The following TMEM273 variants were observed in gnomAD, a reference collection of about 807,000 sequenced individuals.
TMEM273 encodes the protein transmembrane protein 273.
A neutral mutation model predicts 17.9 loss-of-function variants in TMEM273; 19 were observed. The observed-to-expected ratio is 1.06, with a 90% confidence interval of 0.74 to 1.55. TMEM273 has a LOEUF of 1.55. Ranked by LOEUF, TMEM273 falls within the 40% of genes most tolerant of loss-of-function variation. The pLI, the probability that TMEM273 is intolerant of heterozygous loss-of-function variation, is 0.00. For synonymous variants in TMEM273, 66 were observed against 62.0 expected (o/e 1.07, Z -0.31); for missense variants, 194 against 155.6 (o/e 1.25, Z -1.31).
intron 3 of TMEM273, among the ~76,000 whole-genome samples, chr10:49,166,029 G>A (rs555906689): frequency 2.6e-4 from 40 of 152,250 alleles, no homozygotes; most frequent in East Asian, 3.9e-4. Context: ...TAAGCCCCTC[G>A]GGCGATGCAC....
At chr10:49,175,430 G>T (rs1846890333) in intron 1 of TMEM273, among the ~76,000 whole-genome samples, 1 of 152,214 alleles carries the variant, frequency 6.6e-6, no homozygotes, top group Non-Finnish European at 1.5e-5. Flanking sequence ...GCCACCCCAG[G>T]CTGAGATGCA....
intron 5 of TMEM273, among the ~76,000 whole-genome samples, chr10:49,164,177 T>A (rs917926198): frequency 1.3e-5 from 2 of 152,100 alleles, no homozygotes; most frequent in Non-Finnish European, 2.9e-5. Flanking sequence ...AAAAATATCA[T>A]CTCACCCAGC....
At chr10:49,186,624 A>G (rs530319648) in intron 1 of TMEM273, among the ~76,000 whole-genome samples, 45 of 152,334 alleles carry the variant, frequency 3.0e-4, no homozygotes, top group African/African-American at 9.9e-4. Context: ...GGTGTCCCCA[A>G]CTTACAGATG....
At chr10:49,162,646 C>T (rs886581165) in intron 5 of TMEM273, among the ~76,000 whole-genome samples, 4 of 152,152 alleles carry the variant, frequency 2.6e-5, no homozygotes, top group African/African-American at 9.7e-5. Context: ...TATTCCTGAC[C>T]ACAGGGGCTG....
At chr10:49,188,210 T>A in intron 1 of TMEM273, 84 bp downstream of exon 1, 1 of 1,453,870 alleles carries the variant, frequency 6.9e-7, no homozygotes, top group Non-Finnish European at 9.6e-7. Flanking sequence ...GTTTTAGGGA[T>A]CAAGCCCCAG....
In TMEM273 at chr10:49,155,896, T is replaced by A. The variant is rs375388588; in HGVS notation, c.386A>T (p.Asp129Val). Residue 129 changes from aspartate (D) to valine (V), a missense_variant, in exon 7 of 7, where the codon GAT becomes GTT. Transcript: ENST00000374153. ...ACGTCACTGCTCACCTACAGCTCAA[T>A]CACCTGTGCATCTCTGGAAAGGAAG... ...PQFLQKRCTG[D>V] The A allele has an allele frequency of 1.2e-6, 2 of 1,614,060 alleles. No homozygotes were observed. Among genetic ancestry groups the A allele is most frequent in the African/African-American group, 2.7e-5 (2 of 74,918 alleles).
At chr10:49,180,263 C>T (rs1847261545) in intron 1 of TMEM273, among the ~76,000 whole-genome samples, 1 of 152,188 alleles carries the variant, frequency 6.6e-6, no homozygotes, top group African/African-American at 2.4e-5. Context: ...TGGGTACTCC[C>T]AGCAGGGTGC....
intron 1 of TMEM273, among the ~76,000 whole-genome samples, chr10:49,171,994 C>T (rs1846605067): frequency 6.6e-6 from 1 of 152,176 alleles, no homozygotes; most frequent in South Asian, 2.1e-4. Context: ...CGTGCGTGCA[C>T]TCAGATGTCG....
intron 1 of TMEM273, among the ~76,000 whole-genome samples, chr10:49,169,973 C>T (rs1310397791): frequency 2.6e-5 from 4 of 152,244 alleles, no homozygotes; most frequent in African/African-American, 7.2e-5. Context: ...GGCCAGACCC[C>T]TGAGCCCCAG....
At chr10:49,176,025 A>C (rs1044335625) in intron 1 of TMEM273, among the ~76,000 whole-genome samples, 4 of 152,158 alleles carry the variant, frequency 2.6e-5, no homozygotes, top group Non-Finnish European at 5.9e-5. Context: ...ATTTGAAACC[A>C]AGAGATCTGA....
intron 1 of TMEM273, among the ~76,000 whole-genome samples, chr10:49,183,382 G>A (rs1340151861): frequency 8.0e-6 from 1 of 124,404 alleles, no homozygotes; most frequent in Non-Finnish European, 1.8e-5. Flanking sequence ...TGTGTGTATA[G>A]AGAGAGAAAG....
rs1210011146 is a variant in TMEM273 at position 49,154,770 on chromosome 10, A to G, written c.*1122T>C. 6.6e-6 allele frequency: 1 copy of G among 152,240 alleles called. No individual in the cohort carries two copies. Among genetic ancestry groups the G allele is most frequent in the Non-Finnish European group, 1.5e-5 (1 of 68,044 alleles). The allele number at this position is 152,240 out of a possible 1,614,324, so 9.4% of individuals were successfully genotyped here. On this transcript the variant is annotated 3_prime_UTR_variant, in exon 7 of 7. Transcript: ENST00000374153. Reference sequence around the variant, plus strand: ...AGATGGTTTATTTTATCCTACACACAGAAAATTGCTTATGAGTATCACATT... The same window carrying G: ...AGATGGTTTATTTTATCCTACACACGGAAAATTGCTTATGAGTATCACATT...
intron 6 of TMEM273, chr10:49,161,222 T>C (rs1564620771): frequency 1.6e-5 from 4 of 251,344 alleles, no homozygotes; most frequent in Non-Finnish European, 7.8e-6. Flanking sequence ...ACTGATAGCA[T>C]GATGACATGA....
At chr10:49,174,144 C>T (rs1362968248) in intron 1 of TMEM273, among the ~76,000 whole-genome samples, 1 of 152,220 alleles carries the variant, frequency 6.6e-6, no homozygotes, top group African/African-American at 2.4e-5. Flanking sequence ...GCCCATTTAT[C>T]CTGTGCTACC....
chr10:49,167,493 G>A (rs565714425), intron 2 of TMEM273, among the ~76,000 whole-genome samples: 7 of 152,322 alleles, frequency 4.6e-5, no homozygotes, highest in African/African-American at 4.8e-5. Context: ...AGTCATGGGC[G>A]TCCAGAGCCT....
At chr10:49,165,176 T>C in intron 5 of TMEM273, 29 bp downstream of exon 5, 1 of 1,531,714 alleles carries the variant, frequency 6.5e-7, no homozygotes, top group Non-Finnish European at 8.8e-7. Context: ...GAGAAGAGAA[T>C]GGTGGCTGGA....
Position 49,155,725 on chromosome 10 carries a change from G to A in TMEM273, c.*167C>T. The A allele has an allele frequency of 1.1e-6, 1 of 912,866 alleles. No homozygotes were observed. Among genetic ancestry groups the A allele is most frequent in the Non-Finnish European group, 1.7e-6 (1 of 595,254 alleles). 56.5% of individuals were successfully genotyped at this position (912,866 alleles called of 1,614,324 possible). A position where few individuals can be genotyped will look rare whatever the true frequency, so the allele number is the denominator to read the frequency against. ...AGGCATGATATTTTCCTTCAGGACA[G>A]AGGCACTGTATATTCTATTCCTTCT... On this transcript the variant is annotated 3_prime_UTR_variant, in exon 7 of 7. Transcript: ENST00000374153.
Position 49,187,304 on chromosome 10 carries a change from T to C in TMEM273, c.43+990A>G, listed in dbSNP as rs772650345. Among the ~76,000 whole-genome samples the C allele has an allele frequency of 3.6e-4, 55 of 152,254 alleles. 1 individual carries two copies. The highest frequency in any genetic ancestry group is 6.6e-4 in the Non-Finnish European group (45 of 68,006). On this transcript the variant is annotated intron_variant, in intron 1 of 6. Transcript: ENST00000374153. ...CTGGCTGTCTGTCTGACATGCTGAC[T>C]CCCAAGGCCAAAGTCTTTGCTCTCC...
intron 1 of TMEM273, among the ~76,000 whole-genome samples, chr10:49,173,125 C>T (rs964063106): frequency 3.3e-5 from 5 of 152,194 alleles, no homozygotes; most frequent in Admixed American, 1.3e-4. Flanking sequence ...GACTGAAGTC[C>T]CTGCTGAAGA....
Sources: gnomAD v4.1 joint callset for allele counts (sites outside exome capture counted in the v4.1 genomes callset) on GRCh38, gnomAD v4.1.1 for gene constraint, MANE v1.5 for transcripts, NCBI Gene and HGNC (gene_info 2026-07-23, HGNC 2026-07-21) for gene names.